RARRES1: variants seen among roughly 807,000 people sequenced by gnomAD.
The protein encoded by RARRES1 is retinoic acid receptor responder 1.
In RARRES1, 34 loss-of-function variants were observed where a neutral mutation model predicts 30.6. That is an observed-to-expected ratio of 1.11 (90% CI 0.84 to 1.48). The LOEUF is 1.48. RARRES1 is among the 40% of genes most tolerant of loss of function. The pLI is 0.00. For synonymous variants in RARRES1, 153 were observed against 155.5 expected, an observed-to-expected ratio of 0.98 and a Z score of 0.12; for missense variants, 373 against 386.5, an observed-to-expected ratio of 0.97 and a Z score of 0.29.
intron 1 of RARRES1, among the ~76,000 whole-genome samples, chr3:158,725,065 C>T (rs1727640734): frequency 6.6e-6 from 1 of 152,142 alleles, no homozygotes; most frequent in Non-Finnish European, 1.5e-5. Flanking sequence ...CTCAAGCAGT[C>T]CTCCAACCTC....
In RARRES1 at chr3:158,732,311, C is replaced by T. The variant is rs558259477; in HGVS notation, c.105G>A (p.Ala35=). The change falls in exon 1 of 6, where the codon GCG becomes GCA. Residue 35 remains alanine, a synonymous_variant. Coordinates refer to ENST00000237696, the MANE Select transcript of RARRES1 (RefSeq NM_206963.2). ...LALLLLLAPV[A]APAGSGDPDD... ...CGGGGTCCCCGGACCCCGCGGGCGC[C>T]GCCACCGGGGCGAGCAACAGCAGCA... 9 of 1,346,286 alleles carry T rather than the reference C, an allele frequency of 6.7e-6. No individual in the cohort carries two copies. The East Asian group carries it at 2.5e-4, about 37-fold the overall frequency. The allele number at this position is 1,346,286 out of a possible 1,614,324, so 83.4% of individuals were successfully genotyped here.
At chr3:158,729,011 C>A (rs1400772138) in intron 1 of RARRES1, among the ~76,000 whole-genome samples, 1 of 152,156 alleles carries the variant, frequency 6.6e-6, no homozygotes, top group African/African-American at 2.4e-5. Context: ...TTAGGCCACA[C>A]TTCTAGCCCA....
chr3:158,704,363 C>G (rs1009555037), intron 4 of RARRES1, among the ~76,000 whole-genome samples: 5 of 151,852 alleles, frequency 3.3e-5, no homozygotes, highest in African/African-American at 1.2e-4. Context: ...TCCCGAGTAC[C>G]TGGGACTATA....
intron 3 of RARRES1, among the ~76,000 whole-genome samples, chr3:158,706,222 G>A (rs952223826): frequency 2.6e-5 from 4 of 152,192 alleles, no homozygotes; most frequent in African/African-American, 9.6e-5. Flanking sequence ...CCCTCCACAT[G>A]TTGACATGGT....
chr3:158,713,309 T>C (rs1204488393), intron 2 of RARRES1, among the ~76,000 whole-genome samples: 1 of 152,144 alleles, frequency 6.6e-6, no homozygotes, highest in African/African-American at 2.4e-5. Flanking sequence ...ATGGTCCGCT[T>C]GGTCAAAGCT....
At chr3:158,701,074 GT>G (rs1386349535) in intron 4 of RARRES1, among the ~76,000 whole-genome samples, 2 of 152,208 alleles carry the variant, frequency 1.3e-5, no homozygotes, top group African/African-American at 4.8e-5. Flanking sequence ...TCTACTTAAT[GT>G]GAAGATGAGC....
At chr3:158,716,538 G>T (rs1340471304) in intron 1 of RARRES1, among the ~76,000 whole-genome samples, 2 of 151,970 alleles carry the variant, frequency 1.3e-5, no homozygotes, top group African/African-American at 4.8e-5. Flanking sequence ...TCCTTTTAAA[G>T]AGTTATTTTC....
chr3:158,730,109 C>T (rs1019101202), intron 1 of RARRES1, among the ~76,000 whole-genome samples: 2 of 151,926 alleles, frequency 1.3e-5, no homozygotes, highest in African/African-American at 4.8e-5. Flanking sequence ...ATCACGAGGT[C>T]AGGAGTTCGA....
intron 1 of RARRES1, among the ~76,000 whole-genome samples, chr3:158,720,163 G>A (rs530119324): frequency 3.3e-5 from 5 of 151,698 alleles, no homozygotes; most frequent in East Asian, 1.9e-4. Flanking sequence ...CCCAAATACC[G>A]CACAGGACTG....
intron 1 of RARRES1, among the ~76,000 whole-genome samples, chr3:158,720,400 T>G (rs942063185): frequency 4.8e-5 from 7 of 145,788 alleles, no homozygotes; most frequent in African/African-American, 1.9e-4. Context: ...ATGTATGTAT[T>G]AGTGTGCTAG....
chr3:158,711,013 A>G (rs1012228151), intron 2 of RARRES1, 80 bp from the exon 3 acceptor site: 1 of 1,344,290 alleles, frequency 7.4e-7, no homozygotes, highest in Non-Finnish European at 1.0e-6. Flanking sequence ...AGAAGAGTTC[A>G]TTGTACAAGG....
intron 1 of RARRES1, among the ~76,000 whole-genome samples, chr3:158,724,940 A>AC: frequency 6.6e-6 from 1 of 151,322 alleles, no homozygotes; most frequent in South Asian, 2.1e-4. Context: ...TGATCCTCCC[A>AC]CCTCAGCCTT....
At chr3:158,730,513 G>A (rs931219567) in intron 1 of RARRES1, among the ~76,000 whole-genome samples, 1 of 151,562 alleles carries the variant, frequency 6.6e-6, no homozygotes, top group African/African-American at 2.4e-5. Flanking sequence ...GCAACCTCCA[G>A]GTCCTGGGGT....
intron 3 of RARRES1, among the ~76,000 whole-genome samples, chr3:158,709,610 A>T (rs1292845565): frequency 6.6e-6 from 1 of 152,146 alleles, no homozygotes; most frequent in African/African-American, 2.4e-5. Flanking sequence ...CAGTAAATCG[A>T]TGGGGAGCAG....
chr3:158,720,643 GT>G (rs1249222985), intron 1 of RARRES1, among the ~76,000 whole-genome samples: 1 of 152,096 alleles, frequency 6.6e-6, no homozygotes, highest in African/African-American at 2.4e-5. Context: ...ATTATTGTTT[GT>G]TTGTTTTTGA....
At chr3:158,719,567 C>T (rs530126271) in intron 1 of RARRES1, among the ~76,000 whole-genome samples, 2 of 152,264 alleles carry the variant, frequency 1.3e-5, no homozygotes, top group African/African-American at 4.8e-5. Flanking sequence ...CCACTGCACC[C>T]GGCCCTTACT....
chr3:158,710,543 G>C (rs1727086344), intron 3 of RARRES1, among the ~76,000 whole-genome samples, 195 bp downstream of exon 3: 1 of 152,162 alleles, frequency 6.6e-6, no homozygotes, highest in Non-Finnish European at 1.5e-5. Flanking sequence ...GCTGTTGGTG[G>C]AGTTACTGTG....
chr3:158,702,173 G>A (rs1226224030), intron 4 of RARRES1, among the ~76,000 whole-genome samples: 1 of 152,100 alleles, frequency 6.6e-6, no homozygotes, highest in Non-Finnish European at 1.5e-5. Flanking sequence ...GAGTAGCTGG[G>A]ACTACAGGTG....
At chr3:158,714,866 G>C (rs1576816452) in intron 1 of RARRES1, among the ~76,000 whole-genome samples, 1 of 152,282 alleles carries the variant, frequency 6.6e-6, no homozygotes, top group South Asian at 2.1e-4. Flanking sequence ...TCTTAGCGTA[G>C]CAATTCAATA....
Sources: allele counts gnomAD v4.1 joint callset (sites outside exome capture counted in the v4.1 genomes callset), GRCh38; gene constraint gnomAD v4.1.1; transcripts MANE v1.5; gene names NCBI Gene and HGNC (gene_info 2026-07-23, HGNC 2026-07-21).